DISP3: variants seen among roughly 807,000 people sequenced by gnomAD.
DISP3 encodes the protein protein dispatched homolog 3.
In DISP3, 101 loss-of-function variants were observed where a neutral mutation model predicts 135.3. The observed-to-expected ratio is 0.75, with a 90% CI of 0.64 to 0.88. DISP3 has a LOEUF of 0.88. DISP3 is among the 40% of genes least tolerant of loss of function. The pLI, the probability that DISP3 is intolerant of heterozygous loss-of-function variation, is 0.00. For synonymous variants in DISP3, 856 were observed against 817.0 expected (o/e 1.05, Z -0.81); for missense variants, 1,713 against 1,878.6 (o/e 0.91, Z 1.63).
intron 10 of DISP3, among the ~76,000 whole-genome samples, chr1:11,521,260 G>C (rs1204822787): frequency 4.0e-5 from 6 of 148,318 alleles, no homozygotes; most frequent in South Asian, 2.2e-4. Context: ...GGGGAGAGGA[G>C]GAAAGAAGAG....
rs758977375 is a variant in DISP3, at chr1:11,501,822, T to G, written c.830T>G (p.Leu277Arg). 20 of 1,610,598 alleles carry G rather than the reference T, an allele frequency of 1.2e-5. No homozygotes were observed. The highest frequency in any genetic ancestry group is 1.3e-5 in the African/African-American group (1 of 74,896). ...TQTHAHWRIE[L>R]IFLARGDAER... Reference sequence around the variant, plus strand: ...ACGCACGCGCACTGGCGCATCGAGCTCATCTTCCTGGCGCGCGGCGACGCG... The same window carrying G: ...ACGCACGCGCACTGGCGCATCGAGCGCATCTTCCTGGCGCGCGGCGACGCG... The change falls in exon 2 of 21, where the codon CTC becomes CGC. Residue 277 changes from leucine to arginine, a missense_variant. This residue lies in a region of DISP3 where 571 missense variants were observed against 494.1 expected (regional missense o/e 1.16). Transcript: ENST00000294484. The surrounding 1 kb of genome is among the most constrained non-coding windows in gnomAD (Gnocchi z 4.9).
At chr1:11,515,233 T>G in intron 4 of DISP3, 136 bp from the exon 5 acceptor site, 3 of 1,278,518 alleles carry the variant, frequency 2.3e-6, no homozygotes, top group Non-Finnish European at 3.2e-6. Flanking sequence ...CCTGTGCCTG[T>G]GCTGGGAACA....
rs925781053 is a variant in DISP3 at position 11,499,087 on chromosome 1, T to C, written c.-3-1903T>C. Among the ~76,000 whole-genome samples the C allele has an allele frequency of 2.6e-5, 4 of 152,160 alleles. No individual in the cohort carries two copies. The highest frequency in any genetic ancestry group is 4.8e-5 in the African/African-American group (2 of 41,440). Reference sequence around the variant, plus strand: ...GGTAACGCTTGAGCAAGGACTTGCATGATGAATTCAATGTGGACCCCTAGG... The same window carrying C: ...GGTAACGCTTGAGCAAGGACTTGCACGATGAATTCAATGTGGACCCCTAGG... On this transcript the variant is annotated intron_variant, in intron 1 of 20. Coordinates refer to ENST00000294484, the MANE Select transcript of DISP3 (RefSeq NM_020780.2). The surrounding 1 kb of genome is among the most constrained non-coding windows in gnomAD (Gnocchi z 5.2).
chr1:11,508,863 T>G (rs1405676430), intron 3 of DISP3, among the ~76,000 whole-genome samples: 1 of 152,216 alleles, frequency 6.6e-6, no homozygotes, highest in Non-Finnish European at 1.5e-5. Context: ...TGCTACCCAT[T>G]TCAATGATTT....
chr1:11,482,108 T>C (rs1386437065), intron 1 of DISP3: 2 of 152,230 alleles, frequency 1.3e-5, no homozygotes, highest in Non-Finnish European at 2.9e-5. Flanking sequence ...CTTTCTCTGC[T>C]AGTATAGACA....
chr1:11,522,627 GAGCCCAGCCAGAGCCCAGCCA>G (rs1557615048), intron 10 of DISP3, among the ~76,000 whole-genome samples: 61 of 51,702 alleles, frequency 1.2e-3, no homozygotes, highest in African/African-American at 1.7e-3. Flanking sequence ...GACCCAGCCA[GAGCCCAGCCAGAGCCCAGCCA>G]GGGCCCAGCC....
Position 11,501,580 on chromosome 1 carries a change from A to G in DISP3, c.588A>G (p.Thr196=). Residue 196 remains threonine, a synonymous_variant, in exon 2 of 21, where the codon ACA becomes ACG. Transcript: ENST00000294484. This position sits in a 1 kb window ranked among gnomAD's most constrained non-coding sequence, Gnocchi z 4.9. Reference sequence around the variant, plus strand: ...ACACTTCCGCGGCTCAAAAGCCCACAGCCAATCGGAGCGGGCGACTTCGGC... The same window carrying G: ...ACACTTCCGCGGCTCAAAAGCCCACGGCCAATCGGAGCGGGCGACTTCGGC... ...YRDTSAAQKP[T]ANRSGRLRRE... 1 of 1,592,640 alleles carries G rather than the reference A, an allele frequency of 6.3e-7. No individual in the cohort carries two copies. The highest frequency in any genetic ancestry group is 8.6e-7 in the Non-Finnish European group (1 of 1,167,686).
rs1641193295 is a variant in DISP3, at chr1:11,491,870, C to A, written c.-3-9120C>A. Among the ~76,000 whole-genome samples the A allele has an allele frequency of 1.3e-5, 2 of 151,996 alleles. No individual in the cohort carries two copies. Among genetic ancestry groups the A allele is most frequent in the South Asian group, 4.1e-4 (2 of 4,822 alleles). ...GGGCGCGGTGGCTCACGCCTGTAAT[C>A]CCAGCACTTTGGGAGGCCGAGGCGG... On this transcript the variant is annotated intron_variant, in intron 1 of 20. Coordinates refer to ENST00000294484, the MANE Select transcript of DISP3 (RefSeq NM_020780.2). This position sits in a 1 kb window ranked among gnomAD's most constrained non-coding sequence, Gnocchi z 4.3.
rs748909690 is a variant in DISP3, at chr1:11,536,485, G to A, written c.3978G>A (p.Thr1326=). ...AKFGKIVALN[T]GVSILYTLTV... is the part of the protein sequence containing the mutation. ...TCGGCAAGATTGTGGCACTCAACAC[G>A]GGCGTGTCCATCCTCTACACGCTGA... The change falls in exon 21 of 21, where the codon ACG becomes ACA. Residue 1326 remains threonine, a synonymous_variant. Transcript: ENST00000294484. The surrounding 1 kb of genome is among the most constrained non-coding windows in gnomAD (Gnocchi z 4.3). 38 of 1,613,350 alleles carry A rather than the reference G, an allele frequency of 2.4e-5. No homozygotes were observed. Among genetic ancestry groups the A allele is most frequent in the East Asian group, 6.7e-5 (3 of 44,898 alleles).
At position 11,526,256 on chromosome 1, in the gene DISP3, A is replaced by G. The variant is rs115285607; in HGVS notation, c.2614-395A>G. ...TCTCAACATGCCTGTTGGTCCCCAC[A>G]GAGCCCTGCCCCGGCGCCTTTCTCG... On this transcript the variant is annotated intron_variant, in intron 12 of 20. Transcript: ENST00000294484. Among the ~76,000 whole-genome samples, 1,516 of 152,284 alleles carry G rather than the reference A, an allele frequency of 1.0e-2. 22 individuals are homozygous for G. The highest frequency in any genetic ancestry group is 0.034 in the African/African-American group (1,406 of 41,554).
Position 11,531,704 on chromosome 1 carries a change from C to A in DISP3, c.3369C>A (p.Phe1123Leu), listed in dbSNP as rs749948474. Residue 1123 changes from phenylalanine (F) to leucine (L), a missense_variant, in exon 17 of 21, where the codon TTC becomes TTA. By Grantham distance (22) the Phe-to-Leu change is conservative. Coordinates refer to ENST00000294484, the MANE Select transcript of DISP3 (RefSeq NM_020780.2). The surrounding 1 kb of genome is among the most constrained non-coding windows in gnomAD (Gnocchi z 5.2). ...GCGTGCAGTGGATCTCCATGGCTTTCGAGTCGGTGAGCCCAGGCAGCCTCA... is the reference window on the plus strand; with the variant it reads ...GCGTGCAGTGGATCTCCATGGCTTTAGAGTCGGTGAGCCCAGGCAGCCTCA... The part of the protein sequence containing the change: ...EGRVQWISMA[F>L]ESTTYKGKSS... The A allele has an allele frequency of 1.9e-6, 3 of 1,599,690 alleles. No individual in the cohort carries two copies. The highest frequency in any genetic ancestry group is 2.6e-6 in the Non-Finnish European group (3 of 1,172,418).
intron 1 of DISP3, among the ~76,000 whole-genome samples, chr1:11,498,184 G>A (rs991788613): frequency 6.6e-6 from 1 of 152,238 alleles, no homozygotes; most frequent in African/African-American, 2.4e-5. Context: ...CCAGAGTGCA[G>A]AGATGTATAA....
rs1235462973 is a variant in DISP3 at position 11,535,002 on chromosome 1, C to T, written c.3536-9C>T. On this transcript the variant is annotated splice_polypyrimidine_tract_variant and intron_variant, in intron 18 of 20. Coordinates refer to ENST00000294484, the MANE Select transcript of DISP3 (RefSeq NM_020780.2). ...CAGCAGCGCACTGAGGCCCTGTCCT[C>T]CCTTGCAGGGGTGCAGAGCGCCCTG... 6.4e-7 allele frequency: 1 copy of T among 1,568,788 alleles called. No homozygotes were observed. The highest frequency in any genetic ancestry group is 1.3e-5 in the African/African-American group (1 of 74,462).
chr1:11,508,666 G>A (rs115275677), intron 3 of DISP3, among the ~76,000 whole-genome samples: 3,371 of 152,022 alleles, frequency 0.022, 109 homozygotes, highest in African/African-American at 0.076. Context: ...TGAGCACATA[G>A]TAGGTGTATA....
At chr1:11,526,944 CTTTT>C in intron 13 of DISP3, 109 bp downstream of exon 13, 7 of 1,024,256 alleles carry the variant, frequency 6.8e-6, no homozygotes, top group Non-Finnish European at 9.3e-6. Flanking sequence ...GGCCCCCTCA[CTTTT>C]TTTTTTTTTT....
intron 10 of DISP3, among the ~76,000 whole-genome samples, chr1:11,522,888 C>CCAGAGCCCAGT: frequency 7.9e-6 from 1 of 126,392 alleles, no homozygotes; most frequent in Non-Finnish European, 1.8e-5. Flanking sequence ...CAGAGCCCAG[C>CCAGAGCCCAGT]CAGGACCCAG....
At chr1:11,500,072 T>G (rs1244880394) in intron 1 of DISP3, among the ~76,000 whole-genome samples, 1 of 152,262 alleles carries the variant, frequency 6.6e-6, no homozygotes, top group Non-Finnish European at 1.5e-5. Flanking sequence ...TGCCCTCTCC[T>G]GCCAGGCCCT....
rs1427345733 is a variant in DISP3 at position 11,536,316 on chromosome 1, G to A, written c.3817-8G>A. The A allele has an allele frequency of 1.9e-6, 3 of 1,593,396 alleles. No individual in the cohort carries two copies. The highest frequency in any genetic ancestry group is 4.5e-5 in the East Asian group (2 of 44,780). ...AGGCTGGGCTCCCAGCTCTCCTCTT[G>A]CCCCCAGGACGCCCGAACGCAGCGC... On this transcript the variant is annotated splice_polypyrimidine_tract_variant and splice_region_variant and intron_variant, in intron 20 of 20. Coordinates refer to ENST00000294484, the MANE Select transcript of DISP3 (RefSeq NM_020780.2). This position sits in a 1 kb window ranked among gnomAD's most constrained non-coding sequence, Gnocchi z 4.3.
At chr1:11,505,383 G>C (rs1205827575) in intron 3 of DISP3, among the ~76,000 whole-genome samples, 1 of 152,238 alleles carries the variant, frequency 6.6e-6, no homozygotes, top group East Asian at 1.9e-4. Context: ...ACTTGGCTGG[G>C]TTGGGAAACT....
Sources: allele counts gnomAD v4.1 joint callset (sites outside exome capture counted in the v4.1 genomes callset), GRCh38; gene constraint gnomAD v4.1.1; regional missense constraint gnomAD v4.1.1; non-coding constraint Gnocchi (gnomAD v3.1); transcripts MANE v1.5; gene names NCBI Gene and HGNC (gene_info 2026-07-23, HGNC 2026-07-21).